The following CNTNAP2 variants were observed in gnomAD, a reference collection of about 807,000 sequenced individuals.
CNTNAP2 encodes contactin associated protein 2.
Under a neutral mutation model 155.2 loss-of-function variants are expected in CNTNAP2, and 98 were observed. The observed-to-expected ratio is 0.63, with a 90% CI of 0.54 to 0.75. The LOEUF (loss-of-function observed/expected upper bound fraction) is 0.75, where lower values mean the gene tolerates loss of function less well. CNTNAP2 is among the 30% of genes least tolerant of loss of function. The probability of loss-of-function intolerance (pLI) is 0.00; values close to 1 mark genes in which losing one functional copy is unlikely to be tolerated. For synonymous variants in CNTNAP2, 651 were observed against 631.2 expected, an observed-to-expected ratio of 1.03 and a Z score of -0.47; for missense variants, 1,727 against 1,688.1, an observed-to-expected ratio of 1.02 and a Z score of -0.40.
At position 147,739,269 on chromosome 7, in the gene CNTNAP2, A is replaced by G. The variant is rs189849543; in HGVS notation, c.2098+99963A>G. Reference sequence around the variant, plus strand: ...TTTTACAAATCTAATTGCTTTTATTATCATTATTGTGTATGTGTGTGTTTG... The same window carrying G: ...TTTTACAAATCTAATTGCTTTTATTGTCATTATTGTGTATGTGTGTGTTTG... On this transcript the variant is annotated intron_variant, in intron 13 of 23. Coordinates refer to ENST00000361727, the MANE Select transcript of CNTNAP2 (RefSeq NM_014141.6). 2.8e-4 allele frequency among the ~76,000 whole-genome samples: 43 copies of G among 151,770 alleles called. 1 individual carries two copies. Among genetic ancestry groups the G allele is most frequent in the African/African-American group, 9.7e-4 (40 of 41,384 alleles).
At chr7:147,708,542 G>A (rs535933243) in intron 13 of CNTNAP2, among the ~76,000 whole-genome samples, 6 of 152,266 alleles carry the variant, frequency 3.9e-5, no homozygotes, top group South Asian at 4.1e-4. Flanking sequence ...TCTCTCTGGA[G>A]CAATGCCTTC....
intron 14 of CNTNAP2, among the ~76,000 whole-genome samples, chr7:147,948,637 A>C (rs1199888130): frequency 1.3e-5 from 2 of 149,604 alleles, no homozygotes; most frequent in African/African-American, 4.9e-5. Context: ...TTACACACAC[A>C]CACACATATA....
chr7:146,674,499 G>A (rs59801845), intron 1 of CNTNAP2, among the ~76,000 whole-genome samples: 7,903 of 66,408 alleles, frequency 0.12, 282 homozygotes, highest in African/African-American at 0.23. Context: ...GTCTGGTGGA[G>A]GAAAAAAAAA....
chr7:146,792,401 A>G (rs1387166977), intron 2 of CNTNAP2, among the ~76,000 whole-genome samples: 8 of 152,192 alleles, frequency 5.3e-5, no homozygotes, highest in Non-Finnish European at 1.2e-4. Flanking sequence ...GCTAAGATCA[A>G]TTCTATTAGA....
intron 1 of CNTNAP2, among the ~76,000 whole-genome samples, chr7:146,574,655 C>T (rs750159686): frequency 5.9e-5 from 9 of 152,042 alleles, no homozygotes; most frequent in Non-Finnish European, 1.2e-4. Flanking sequence ...GAGCCAAGAT[C>T]GCACCACTGC....
chr7:146,999,749 G>T (rs1798386656), intron 3 of CNTNAP2, among the ~76,000 whole-genome samples: 1 of 151,868 alleles, frequency 6.6e-6, no homozygotes, highest in Non-Finnish European at 1.5e-5. Flanking sequence ...GTCTGCTATT[G>T]GCTTATTAGA....
intron 13 of CNTNAP2, among the ~76,000 whole-genome samples, chr7:147,676,356 ACT>A (rs1453099324): frequency 2.0e-5 from 3 of 151,892 alleles, no homozygotes; most frequent in African/African-American, 7.3e-5. Flanking sequence ...GGCAACACAA[ACT>A]CTATTTTATT....
At chr7:146,673,889 T>C (rs1908321) in intron 1 of CNTNAP2, among the ~76,000 whole-genome samples, 122,556 of 151,632 alleles carry the variant, frequency 0.81, 50,129 homozygotes, top group South Asian at 0.91. Flanking sequence ...GCTGGAGCAC[T>C]AATTTCTAAA....
At chr7:146,320,063 C>T (rs1360077331) in intron 1 of CNTNAP2, among the ~76,000 whole-genome samples, 4 of 150,406 alleles carry the variant, frequency 2.7e-5, no homozygotes, top group Admixed American at 1.3e-4. Flanking sequence ...TGGAAACAGA[C>T]ATCTGAATTA....
intron 3 of CNTNAP2, among the ~76,000 whole-genome samples, chr7:146,937,140 C>T (rs1055367439): frequency 2.0e-5 from 3 of 151,946 alleles, no homozygotes; most frequent in African/African-American, 7.2e-5. Flanking sequence ...GTAATCTCAG[C>T]ACTTTGGGAG....
intron 1 of CNTNAP2, among the ~76,000 whole-genome samples, chr7:146,713,817 C>A (rs1035089782): frequency 1.3e-5 from 2 of 152,092 alleles, no homozygotes; most frequent in Non-Finnish European, 2.9e-5. Context: ...AGCCACTTGT[C>A]GTATGGCATG....
intron 1 of CNTNAP2, among the ~76,000 whole-genome samples, chr7:146,737,070 C>A (rs186143029): frequency 6.6e-6 from 1 of 151,960 alleles, no homozygotes; most frequent in East Asian, 1.9e-4. Context: ...TTATTATTTA[C>A]GTGATACTTC....
In CNTNAP2 at chr7:146,269,655, A is replaced by G. The variant is rs1486183269; in HGVS notation, c.97+152682A>G. 3.3e-5 allele frequency among the ~76,000 whole-genome samples: 5 copies of G among 152,238 alleles called. No homozygotes were observed. In the East Asian group the frequency reaches 9.6e-4, roughly 29 times the overall value. Reference sequence around the variant, plus strand: ...GTCTTTGTGTTGGGATTAAGTATTAAGAAGAAAATTACTGTTCAACATAAC... The same window carrying G: ...GTCTTTGTGTTGGGATTAAGTATTAGGAAGAAAATTACTGTTCAACATAAC... On this transcript the variant is annotated intron_variant, in intron 1 of 23. Coordinates refer to ENST00000361727, the MANE Select transcript of CNTNAP2 (RefSeq NM_014141.6).
chr7:146,375,380 A>T (rs1179417621), intron 1 of CNTNAP2, among the ~76,000 whole-genome samples: 1 of 152,202 alleles, frequency 6.6e-6, no homozygotes, highest in African/African-American at 2.4e-5. Context: ...ACAATCACAG[A>T]TAATCTTCTT....
At chr7:146,880,484 A>T (rs1795523403) in intron 3 of CNTNAP2, among the ~76,000 whole-genome samples, 1 of 152,124 alleles carries the variant, frequency 6.6e-6, no homozygotes, top group Non-Finnish European at 1.5e-5. Flanking sequence ...AGCCAAACAT[A>T]AATACAATTA....
intron 15 of CNTNAP2, among the ~76,000 whole-genome samples, chr7:148,093,153 G>A (rs953407393): frequency 6.6e-6 from 1 of 150,506 alleles, no homozygotes; most frequent in Non-Finnish European, 1.5e-5. Flanking sequence ...GTTTGATACA[G>A]CATTTCCCAA....
rs1351762493 is a variant in CNTNAP2, at chr7:147,976,851, G to GC, written c.2256-1011_2256-1010insC. The stretch of plus-strand genomic sequence containing the variant: ...TCTCCTGTCATCCAAAAATCAGGGT[G>GC]GGATTTTTCTGATGAGTTCTATGTG... On this transcript the variant is annotated intron_variant, in intron 14 of 23. Coordinates refer to ENST00000361727, the MANE Select transcript of CNTNAP2 (RefSeq NM_014141.6). Among the ~76,000 whole-genome samples, 10 of 117,038 alleles carry GC rather than the reference G, an allele frequency of 8.5e-5. No homozygotes were observed. The East Asian group carries it at 4.5e-3, about 53-fold the overall frequency. 76.8% of individuals were successfully genotyped at this position (117,038 alleles called of 152,430 possible).
chr7:147,941,892 G>A (rs1158078949), intron 14 of CNTNAP2, among the ~76,000 whole-genome samples: 1 of 152,172 alleles, frequency 6.6e-6, no homozygotes. Context: ...CATATTTACA[G>A]TCAGAGCCAG....
At chr7:146,924,246 T>C (rs1354028407) in intron 3 of CNTNAP2, among the ~76,000 whole-genome samples, 1 of 152,084 alleles carries the variant, frequency 6.6e-6, no homozygotes, top group Non-Finnish European at 1.5e-5. Flanking sequence ...AATTAGATTT[T>C]TTTTAAATTT....
Sources: gnomAD v4.1 joint callset for allele counts (sites outside exome capture counted in the v4.1 genomes callset) on GRCh38, gnomAD v4.1.1 for gene constraint, MANE v1.5 for transcripts, NCBI Gene and HGNC (gene_info 2026-07-23, HGNC 2026-07-21) for gene names.